B3GALT1: variants seen among roughly 807,000 people sequenced by gnomAD.
B3GALT1 encodes UDP-Gal:betaGlcNAc beta 1,3-galactosyltransferase, polypeptide 1.
In B3GALT1, 10 loss-of-function variants were observed where a neutral mutation model predicts 23.2. The ratio of observed to expected loss-of-function variants is 0.43; its 90% confidence interval spans 0.27 to 0.73. B3GALT1 has a LOEUF of 0.73. Among genes scored for constraint, B3GALT1 ranks in the 30% least tolerant of loss-of-function variants. The pLI is 0.21. For missense variants in B3GALT1, 299 were observed against 405.4 expected, an observed-to-expected ratio of 0.74 and a Z score of 2.25; for synonymous variants, 156 against 141.5, an observed-to-expected ratio of 1.10 and a Z score of -0.73.
chr2:167,761,612 G>A (rs1687900748), intron 3 of B3GALT1, among the ~76,000 whole-genome samples: 1 of 152,202 alleles, frequency 6.6e-6, no homozygotes, highest in African/African-American at 2.4e-5. Context: ...ACCCAAGGCA[G>A]TGAACCAGTA....
chr2:167,848,498 G>C (rs1689807940), intron 4 of B3GALT1, among the ~76,000 whole-genome samples: 1 of 152,170 alleles, frequency 6.6e-6, no homozygotes, highest in Admixed American at 6.5e-5. Flanking sequence ...AAATTCACAT[G>C]ATGATCTCAA....
At chr2:167,332,635 C>G (rs764375561) in intron 1 of B3GALT1, among the ~76,000 whole-genome samples, 1 of 152,212 alleles carries the variant, frequency 6.6e-6, no homozygotes, top group Non-Finnish European at 1.5e-5. Flanking sequence ...TGTACTTTCT[C>G]TCTCAGATCA....
intron 2 of B3GALT1, among the ~76,000 whole-genome samples, chr2:167,500,391 T>C (rs990715945): frequency 6.6e-5 from 10 of 152,146 alleles, no homozygotes; most frequent in African/African-American, 2.4e-4. Flanking sequence ...ATGTGACCAG[T>C]TTTATATCAC....
chr2:167,427,895 A>G (rs187007709), intron 1 of B3GALT1, among the ~76,000 whole-genome samples: 106 of 152,130 alleles, frequency 7.0e-4, no homozygotes, highest in Middle Eastern at 6.8e-3. Flanking sequence ...CTTCCACAAA[A>G]CCCTCTAAGT....
chr2:167,539,544 T>C (rs1683499483), intron 2 of B3GALT1, among the ~76,000 whole-genome samples: 2 of 152,298 alleles, frequency 1.3e-5, no homozygotes, highest in Middle Eastern at 3.4e-3. Context: ...TTGGTACTGA[T>C]ATATTTTGTG....
intron 1 of B3GALT1, among the ~76,000 whole-genome samples, chr2:167,444,598 G>C (rs1380534404): frequency 1.3e-5 from 2 of 151,956 alleles, no homozygotes; most frequent in Non-Finnish European, 2.9e-5. Flanking sequence ...GTCTTGGGAG[G>C]GTGCATGTGT....
intron 3 of B3GALT1, among the ~76,000 whole-genome samples, chr2:167,720,206 G>T (rs866110142): frequency 6.6e-6 from 1 of 152,122 alleles, no homozygotes; most frequent in African/African-American, 2.4e-5. Context: ...CATTTTCTAC[G>T]TAGGAATTGG....
intron 4 of B3GALT1, among the ~76,000 whole-genome samples, chr2:167,826,301 A>G (rs77178923): frequency 0.12 from 17,606 of 152,050 alleles, 1,669 homozygotes; most frequent in East Asian, 0.41. Flanking sequence ...TTTCCCCTCA[A>G]GCCTCCAGAG....
intron 3 of B3GALT1, among the ~76,000 whole-genome samples, chr2:167,672,756 T>G (rs1170841001): frequency 1.3e-5 from 2 of 152,124 alleles, no homozygotes; most frequent in Non-Finnish European, 2.9e-5. Context: ...TGTATAAGAT[T>G]TGTACATAAA....
At chr2:167,537,399 A>G (rs995940287) in intron 2 of B3GALT1, among the ~76,000 whole-genome samples, 1 of 152,168 alleles carries the variant, frequency 6.6e-6, no homozygotes, top group African/African-American at 2.4e-5. Context: ...AGGAAAAAAA[A>G]TTACAGTATC....
At chr2:167,491,373 A>AT (rs1699706639) in intron 2 of B3GALT1, among the ~76,000 whole-genome samples, 1 of 152,204 alleles carries the variant, frequency 6.6e-6, no homozygotes, top group Non-Finnish European at 1.5e-5. Flanking sequence ...GGGTATCACC[A>AT]TAAAAGGCTG....
chr2:167,544,005 T>C (rs1683580983), intron 2 of B3GALT1, among the ~76,000 whole-genome samples: 1 of 152,244 alleles, frequency 6.6e-6, no homozygotes, highest in South Asian at 2.1e-4. Context: ...CCTTACAGTC[T>C]GCCCTCCAAG....
At chr2:167,650,033 A>G (rs1685833987) in intron 3 of B3GALT1, among the ~76,000 whole-genome samples, 1 of 151,880 alleles carries the variant, frequency 6.6e-6, no homozygotes. Context: ...ACCACTGTAT[A>G]TGATGTTAGC....
chr2:167,336,785 T>G (rs1697064158), intron 1 of B3GALT1, among the ~76,000 whole-genome samples: 1 of 152,144 alleles, frequency 6.6e-6, no homozygotes, highest in Non-Finnish European at 1.5e-5. Context: ...TTTTCTTAAA[T>G]CAGTAGTTGG....
At chr2:167,532,649 T>TAA in intron 2 of B3GALT1, among the ~76,000 whole-genome samples, 1 of 152,262 alleles carries the variant, frequency 6.6e-6, no homozygotes, top group East Asian at 1.9e-4. Flanking sequence ...ACATATATGT[T>TAA]ATGCTTATGT....
intron 2 of B3GALT1, among the ~76,000 whole-genome samples, chr2:167,504,797 G>A (rs1015969881): frequency 2.6e-4 from 40 of 152,264 alleles, no homozygotes; most frequent in African/African-American, 9.1e-4. Flanking sequence ...ACAGTAACAT[G>A]CAGTACAGGT....
At chr2:167,586,183 G>A (rs1046590084) in intron 2 of B3GALT1, among the ~76,000 whole-genome samples, 1 of 152,162 alleles carries the variant, frequency 6.6e-6, no homozygotes, top group East Asian at 1.9e-4. Context: ...CAATTTATAA[G>A]AGACTCTTTG....
At chr2:167,460,683 T>C (rs1264550120) in intron 1 of B3GALT1, among the ~76,000 whole-genome samples, 3 of 152,128 alleles carry the variant, frequency 2.0e-5, no homozygotes, top group Admixed American at 6.5e-5. Flanking sequence ...GATTTTTTTG[T>C]TGAAAACTGA....
chr2:167,766,298 C>G (rs2105303544), intron 3 of B3GALT1, among the ~76,000 whole-genome samples: 1 of 152,272 alleles, frequency 6.6e-6, no homozygotes, highest in South Asian at 2.1e-4. Flanking sequence ...TTCTACTTGT[C>G]ACTACTAGAA....
Sources: gnomAD v4.1 joint callset for allele counts (sites outside exome capture counted in the v4.1 genomes callset) on GRCh38, gnomAD v4.1.1 for gene constraint, MANE v1.5 for transcripts, NCBI Gene and HGNC (gene_info 2026-07-23, HGNC 2026-07-21) for gene names.